Variants in RBFOX3 observed in about 807,000 individuals in gnomAD.
The protein encoded by RBFOX3 is RNA binding protein fox-1 homolog 3.
A neutral mutation model predicts 48.7 loss-of-function variants in RBFOX3; 17 were observed. That is an observed-to-expected ratio of 0.35 (90% CI 0.24 to 0.52). RBFOX3 has a LOEUF of 0.52. Ranked by LOEUF, RBFOX3 falls within the 20% of genes least tolerant of loss-of-function variation. The probability of loss-of-function intolerance (pLI) is 0.94; values close to 1 mark genes in which losing one functional copy is unlikely to be tolerated. For synonymous variants in RBFOX3, 212 were observed against 209.5 expected, an observed-to-expected ratio of 1.01 and a Z score of -0.10; for missense variants, 382 against 497.5, an observed-to-expected ratio of 0.77 and a Z score of 2.21.
intron 1 of RBFOX3, among the ~76,000 whole-genome samples, chr17:79,532,820 A>G (rs985377013): frequency 2.7e-5 from 4 of 145,804 alleles, no homozygotes; most frequent in Admixed American, 1.3e-4. Context: ...TCAGGTGACT[A>G]TTGAACACGT....
At chr17:79,587,301 C>G (rs1306919856) in intron 1 of RBFOX3, among the ~76,000 whole-genome samples, 5 of 152,220 alleles carry the variant, frequency 3.3e-5, no homozygotes, top group Non-Finnish European at 5.9e-5. Flanking sequence ...ATGTAAGGGG[C>G]AGCAGTGGTG....
chr17:79,598,665 C>T (rs1453508633), intron 1 of RBFOX3: 4 of 152,054 alleles, frequency 2.6e-5, no homozygotes, highest in South Asian at 4.1e-4. Flanking sequence ...AGCAGCTCCA[C>T]GTAGAGCAAC....
rs1188151227 is a variant in RBFOX3 at position 79,111,144 on chromosome 17, G to C, written c.222+4350C>G. The stretch of plus-strand genomic sequence containing the variant: ...CCGACGGACAGCAGAAAGGACAGAG[G>C]TTCATCCTGGGGCTGCAGGTCACTG... On this transcript the variant is annotated intron_variant, in intron 5 of 14. Transcript: ENST00000693108. The surrounding 1 kb of genome is among the most constrained non-coding windows in gnomAD (Gnocchi z 4.2). Among the ~76,000 whole-genome samples the C allele has an allele frequency of 6.6e-6, 1 of 152,242 alleles. No homozygotes were observed.
At chr17:79,645,484 T>A in the RBFOX3 span, among the ~76,000 whole-genome samples, 80,126 of 152,042 alleles carry the variant, frequency 0.53, 22,822 homozygotes, top group Non-Finnish European at 0.63. Context: ...TGATGCTGAA[T>A]GTCACCTTCT....
chr17:79,096,505 G>C (rs1599390680), intron 12 of RBFOX3, 148 bp downstream of exon 12: 2 of 685,568 alleles, frequency 2.9e-6, no homozygotes, highest in Non-Finnish European at 5.0e-6. Context: ...CCATACTCTG[G>C]GCAGACGTGG....
At chr17:79,623,783 C>G in the RBFOX3 span, among the ~76,000 whole-genome samples, 1 of 150,228 alleles carries the variant, frequency 6.7e-6, no homozygotes, top group Non-Finnish European at 1.5e-5. Flanking sequence ...GACTGCACCA[C>G]TGCACTCCAG....
At chr17:79,529,424 C>A (rs1016154786) in intron 1 of RBFOX3, among the ~76,000 whole-genome samples, 5 of 152,326 alleles carry the variant, frequency 3.3e-5, no homozygotes, top group African/African-American at 1.2e-4. Context: ...CTCCACGGAA[C>A]CAGTTGCATG....
intron 1 of RBFOX3, among the ~76,000 whole-genome samples, chr17:79,547,266 G>A (rs1368159628): frequency 6.6e-6 from 1 of 152,062 alleles, no homozygotes; most frequent in East Asian, 1.9e-4. Flanking sequence ...GACCAACACG[G>A]TGAAACTCCG....
At chr17:79,383,939 G>T (rs1039650307) in intron 2 of RBFOX3, among the ~76,000 whole-genome samples, 1 of 152,180 alleles carries the variant, frequency 6.6e-6, no homozygotes, top group Admixed American at 6.5e-5. Flanking sequence ...TCAGAGGGGG[G>T]GGCAATCAGG....
rs142391415 is a variant in RBFOX3 at position 79,401,695 on chromosome 17, C to T, written c.-175+80759G>A. On this transcript the variant is annotated intron_variant, in intron 2 of 14. Coordinates refer to ENST00000693108, the MANE Select transcript of RBFOX3 (RefSeq NM_001350451.2). ...GACGTTCGCTGAGCCTGCTCCGTGACGGGTCTGTAAGTTCCTACATGGGGC... is the reference window on the plus strand; with the variant it reads ...GACGTTCGCTGAGCCTGCTCCGTGATGGGTCTGTAAGTTCCTACATGGGGC... 1.2e-3 allele frequency among the ~76,000 whole-genome samples: 179 copies of T among 152,352 alleles called. 1 individual carries two copies. Among genetic ancestry groups the T allele is most frequent in the African/African-American group, 4.2e-3 (175 of 41,584 alleles).
intron 3 of RBFOX3, among the ~76,000 whole-genome samples, chr17:79,262,688 G>A (rs577760817): frequency 1.1e-4 from 17 of 152,218 alleles, no homozygotes; most frequent in Non-Finnish European, 1.6e-4. Flanking sequence ...GTGGAGCTAC[G>A]GATCTGTGGC....
chr17:79,611,992 A>G (rs917640284), upstream of RBFOX3, among the ~76,000 whole-genome samples: 17 of 152,190 alleles, frequency 1.1e-4, no homozygotes, highest in Middle Eastern at 3.4e-3. Flanking sequence ...GAGGGTCTCT[A>G]TCCTTGGTGC....
chr17:79,356,360 T>TG lies in RBFOX3; in HGVS notation c.-174-48537_-174-48536insC, dbSNP rs1568100879. On this transcript the variant is annotated intron_variant, in intron 2 of 14. Transcript: ENST00000693108. ...TTAAAACAGGGAAGTTTTTTTTTTT[T>TG]TTTTTTTTTTTTTTTTTTTTTTTTT... is the stretch of plus-strand genomic sequence containing the variant. Among the ~76,000 whole-genome samples, 27 of 68,268 alleles carry TG rather than the reference T, an allele frequency of 4.0e-4. 1 individual carries two copies. Among genetic ancestry groups the TG allele is most frequent in the African/African-American group, 1.3e-3 (21 of 15,914 alleles). 44.8% of individuals were successfully genotyped at this position (68,268 alleles called of 152,430 possible).
chr17:79,306,326 G>A (rs576802991), intron 3 of RBFOX3, among the ~76,000 whole-genome samples: 5 of 152,386 alleles, frequency 3.3e-5, no homozygotes, highest in East Asian at 3.9e-4. Context: ...CTGACAACGC[G>A]CCAGGCCAGG....
chr17:79,580,872 C>G (rs2093035473), intron 1 of RBFOX3, among the ~76,000 whole-genome samples: 1 of 152,182 alleles, frequency 6.6e-6, no homozygotes, highest in Non-Finnish European at 1.5e-5. Context: ...AGCTCCACAG[C>G]TGGGCAGAGC....
chr17:79,188,772 C>G (rs1009121309), intron 4 of RBFOX3, among the ~76,000 whole-genome samples: 3 of 152,220 alleles, frequency 2.0e-5, no homozygotes, highest in Non-Finnish European at 4.4e-5. Context: ...CTACACCGAG[C>G]AAAAGGAACA....
intron 1 of RBFOX3, among the ~76,000 whole-genome samples, chr17:79,497,479 G>C (rs1306898225): frequency 1.3e-5 from 2 of 152,176 alleles, no homozygotes; most frequent in Admixed American, 6.5e-5. Context: ...TAATGATAAG[G>C]AAAGTGTCTC....
At position 79,535,959 on chromosome 17, in the gene RBFOX3, C is replaced by T. The variant is rs2088662351; in HGVS notation, c.-319-53361G>A. On this transcript the variant is annotated intron_variant, in intron 1 of 14. Transcript: ENST00000693108. This position sits in a 1 kb window ranked among gnomAD's most constrained non-coding sequence, Gnocchi z 4.5. ...GGGTCATCTCCACAGGCCCCTCCCT[C>T]CCTCCACAGCTTCCTAAGCACTGAC... is the stretch of plus-strand genomic sequence containing the variant. 6.6e-6 allele frequency among the ~76,000 whole-genome samples: 1 copy of T among 152,194 alleles called. No individual in the cohort carries two copies. Among genetic ancestry groups the T allele is most frequent in the Admixed American group, 6.5e-5 (1 of 15,270 alleles).
At chr17:79,118,543 GT>G (rs2034744799) in intron 4 of RBFOX3, among the ~76,000 whole-genome samples, 1 of 152,144 alleles carries the variant, frequency 6.6e-6, no homozygotes, top group African/African-American at 2.4e-5. Context: ...GCAAGAGAAA[GT>G]GTGGAAGGCA....
Sources: gnomAD v4.1 joint callset for allele counts (sites outside exome capture counted in the v4.1 genomes callset) on GRCh38, gnomAD v4.1.1 for gene constraint, Gnocchi (gnomAD v3.1) non-coding constraint, MANE v1.5 for transcripts, NCBI Gene and HGNC (gene_info 2026-07-23, HGNC 2026-07-21) for gene names.